Variants in SNURF observed in about 807,000 individuals in gnomAD.
The protein encoded by SNURF is SNRPN upstream open reading frame.
Under a neutral mutation model 11.6 loss-of-function variants are expected in SNURF, and 6 were observed. The ratio of observed to expected loss-of-function variants is 0.52; its 90% CI spans 0.28 to 1.02. The LOEUF is 1.02. Ranked by LOEUF, SNURF falls within the 50% of genes least tolerant of loss-of-function variation. The pLI is 0.09. For synonymous variants in SNURF, 29 were observed against 31.6 expected (o/e 0.92, Z 0.27); for missense variants, 84 against 88.4 (o/e 0.95, Z 0.20).
At chr15:24,956,254 T>A (rs201416814) in intron 1 of SNURF, among the ~76,000 whole-genome samples, 1 of 151,416 alleles carries the variant, frequency 6.6e-6, no homozygotes, top group African/African-American at 2.4e-5. Flanking sequence ...TGGAAGGCTA[T>A]GTCGAAATAA....
At chr15:24,955,599 C>T (rs1412719790) in intron 1 of SNURF, among the ~76,000 whole-genome samples, 1 of 115,604 alleles carries the variant, frequency 8.7e-6, no homozygotes, top group African/African-American at 3.4e-5. Flanking sequence ...GTACGTGGGG[C>T]GACTGGGGGG....
At chr15:24,974,858 C>T (rs2076884787) in intron 3 of SNURF, 2 of 698,176 alleles carry the variant, frequency 2.9e-6, no homozygotes, top group Admixed American at 2.0e-5. Flanking sequence ...GCCACTGTGC[C>T]TGGCCATGAG....
intron 3 of SNURF, chr15:24,974,252 T>C (rs1308447768): frequency 3.4e-6 from 2 of 594,030 alleles, no homozygotes; most frequent in Admixed American, 3.0e-5. Flanking sequence ...TGCAAAATTG[T>C]CTGCCTGTTT....
chr15:24,970,014 G>A, downstream of SNURF, among the ~76,000 whole-genome samples: 1 of 152,168 alleles, frequency 6.6e-6, no homozygotes, highest in African/African-American at 2.4e-5. Flanking sequence ...TTTTAGAGGA[G>A]CAGATTGAAA....
At position 24,960,624 on chromosome 15, in the gene SNURF, T is replaced by C. The variant is rs137874330; in HGVS notation, c.15-1490T>C. On this transcript the variant is annotated intron_variant, in intron 1 of 2. Transcript: ENST00000577949. ...CCTCATTGGGATTTTGATTTGCATT[T>C]TTTAGTGACTAATGTTCAGCATCAT... Among the ~76,000 whole-genome samples, 255 of 152,316 alleles carry C rather than the reference T, an allele frequency of 1.7e-3. 1 individual carries two copies. The highest frequency in any genetic ancestry group is 6.0e-3 in the African/African-American group (249 of 41,576).
chr15:24,971,919 T>A (rs2076455752), downstream of SNURF, among the ~76,000 whole-genome samples: 1 of 152,158 alleles, frequency 6.6e-6, no homozygotes, highest in Non-Finnish European at 1.5e-5. Flanking sequence ...CCTTGTTGTC[T>A]CTTTGGATGG....
downstream of SNURF, chr15:24,978,592 T>C: frequency 1.3e-6 from 1 of 763,796 alleles, no homozygotes; most frequent in Admixed American, 2.3e-5. Flanking sequence ...GAGGTACTGT[T>C]GTATATATTT....
At chr15:24,971,603 A>G (rs2076416348), downstream of SNURF, among the ~76,000 whole-genome samples, 1 of 152,072 alleles carries the variant, frequency 6.6e-6, no homozygotes, top group Non-Finnish European at 1.5e-5. Context: ...TCTTTGGGCC[A>G]TAACTCACAT....
chr15:24,967,559 G>A (rs1056409988), intron 2 of SNURF, among the ~76,000 whole-genome samples: 2 of 151,768 alleles, frequency 1.3e-5, no homozygotes, highest in Non-Finnish European at 2.9e-5. Context: ...GGAGAATGGC[G>A]TGAACCCAGG....
chr15:24,974,696 C>T, intron 3 of SNURF: 1 of 612,098 alleles, frequency 1.6e-6, no homozygotes, highest in Non-Finnish European at 2.9e-6. Flanking sequence ...TCTTGGCTCA[C>T]TGCAACCCTG....
At chr15:24,961,660 T>C in intron 1 of SNURF, among the ~76,000 whole-genome samples, 1 of 152,198 alleles carries the variant, frequency 6.6e-6, no homozygotes, top group Non-Finnish European at 1.5e-5. Context: ...TTAAAGTAGA[T>C]ATTTTATAAT....
In SNURF at chr15:24,958,486, G is replaced by GTTTTTT. The variant is rs71127030; in HGVS notation, c.14+3453_14+3458dup. Among the ~76,000 whole-genome samples, 41 of 65,298 alleles carry GTTTTTT rather than the reference G, an allele frequency of 6.3e-4. 2 individuals carry two copies. Among genetic ancestry groups the GTTTTTT allele is most frequent in the Admixed American group, 1.1e-3 (4 of 3,594 alleles). The allele number at this position is 65,298 out of a possible 152,430, so 42.8% of individuals were successfully genotyped here. A position where few individuals can be genotyped will look rare whatever the true frequency, so the allele number is the denominator to read the frequency against. On this transcript the variant is annotated intron_variant, in intron 1 of 2. Transcript: ENST00000577949. ...ATTTCTGGATGCTAGCTGGCTCAAAGTTTTTTTTTTTTTTTTTTTTTTTTT... is the reference window on the plus strand; with the variant it reads ...ATTTCTGGATGCTAGCTGGCTCAAAGTTTTTTTTTTTTTTTTTTTTTTTTTTTTTTT...
At chr15:24,956,077 C>G (rs1169641601) in intron 1 of SNURF, among the ~76,000 whole-genome samples, 1 of 152,070 alleles carries the variant, frequency 6.6e-6, no homozygotes, top group Admixed American at 6.5e-5. Context: ...TGCAGAAATG[C>G]GTGGAATCCT....
chr15:24,976,906 A>G, exon 6 of SNURF: 1 of 1,608,302 alleles, frequency 6.2e-7, no homozygotes, highest in Non-Finnish European at 8.5e-7. Flanking sequence ...CACTTGCTGG[A>G]GCTGCTGGAG....
chr15:24,971,797 T>C (rs1236938746), downstream of SNURF, among the ~76,000 whole-genome samples: 2 of 152,164 alleles, frequency 1.3e-5, no homozygotes, highest in Non-Finnish European at 2.9e-5. Flanking sequence ...TTTAAGTGCA[T>C]GAAGCAATGA....
At chr15:24,977,695 G>C in intron 6 of SNURF, 1 of 1,300,226 alleles carries the variant, frequency 7.7e-7, no homozygotes, top group Non-Finnish European at 1.0e-6. Flanking sequence ...GTAACTAATT[G>C]GTCATTTTTC....
exon 5 of SNURF, chr15:24,976,305 G>C: frequency 6.2e-7 from 1 of 1,612,720 alleles, no homozygotes; most frequent in Non-Finnish European, 8.5e-7. Context: ...TGATTTGTAG[G>C]CCAAAGAATG....
chr15:24,963,056 C>A (rs767560782), intron 2 of SNURF, among the ~76,000 whole-genome samples: 3 of 152,074 alleles, frequency 2.0e-5, no homozygotes, highest in East Asian at 3.9e-4. Flanking sequence ...AGCCATCAGA[C>A]CTTGTCCTAT....
Position 24,958,486 on chromosome 15 carries a change from G to GTTTTT in SNURF, c.14+3454_14+3458dup, listed in dbSNP as rs71127030. Among the ~76,000 whole-genome samples, 190 of 65,284 alleles carry GTTTTT rather than the reference G, an allele frequency of 2.9e-3. 20 individuals are homozygous for GTTTTT. The highest frequency in any genetic ancestry group is 6.0e-3 in the South Asian group (6 of 992). 42.8% of individuals were successfully genotyped at this position (65,284 alleles called of 152,430 possible). A position where few individuals can be genotyped will look rare whatever the true frequency, so the allele number is the denominator to read the frequency against. On this transcript the variant is annotated intron_variant, in intron 1 of 2. Coordinates refer to ENST00000577949, the Ensembl canonical transcript of SNURF. ...ATTTCTGGATGCTAGCTGGCTCAAA[G>GTTTTT]TTTTTTTTTTTTTTTTTTTTTTTTT...
Sources: gnomAD v4.1 joint callset for allele counts (sites outside exome capture counted in the v4.1 genomes callset) on GRCh38, gnomAD v4.1.1 for gene constraint, MANE v1.5 for transcripts, NCBI Gene and HGNC (gene_info 2026-07-23, HGNC 2026-07-21) for gene names.